The following LRMDA variants were observed in gnomAD, a reference collection of about 807,000 sequenced individuals.
LRMDA encodes leucine rich melanocyte differentiation associated.
In LRMDA, 18 loss-of-function variants were observed where a neutral mutation model predicts 29.8. The observed-to-expected ratio is 0.60, with a 90% CI of 0.42 to 0.90. The LOEUF (loss-of-function observed/expected upper bound fraction) is 0.90. Ranked by LOEUF, LRMDA falls within the 40% of genes least tolerant of loss-of-function variation. LRMDA has a pLI of 0.00. For missense variants in LRMDA, 273 were observed against 273.9 expected (o/e 1.00, Z 0.02); for synonymous variants, 125 against 109.4 (o/e 1.14, Z -0.89).
chr10:76,285,684 A>G (rs570114578), intron 5 of LRMDA, among the ~76,000 whole-genome samples: 12 of 152,252 alleles, frequency 7.9e-5, no homozygotes, highest in South Asian at 2.1e-4. Context: ...AAAGTTGCCA[A>G]TGAAGCTCTT....
intron 2 of LRMDA, among the ~76,000 whole-genome samples, chr10:75,653,290 A>G (rs748620367): frequency 4.6e-5 from 7 of 152,200 alleles, no homozygotes; most frequent in Non-Finnish European, 1.0e-4. Context: ...CCTGCCCTCA[A>G]TTCCTTTGCC....
At chr10:75,860,765 C>T (rs1844914574) in intron 2 of LRMDA, among the ~76,000 whole-genome samples, 1 of 152,148 alleles carries the variant, frequency 6.6e-6, no homozygotes, top group South Asian at 2.1e-4. Context: ...TCAGAAGATA[C>T]AGGTTCTAAT....
chr10:75,812,552 C>T lies in LRMDA; in HGVS notation c.132-223456C>T, dbSNP rs534698238. ...AATGATTTTCTGGGGCAATTCTGAA[C>T]GTGGTGACATGATATAAACAGGTAT... On this transcript the variant is annotated intron_variant, in intron 2 of 6. Transcript: ENST00000611255. Among the ~76,000 whole-genome samples, 17 of 152,232 alleles carry T rather than the reference C, an allele frequency of 1.1e-4. 1 individual carries two copies. In the South Asian group the frequency reaches 2.7e-3, roughly 24 times the overall value.
intron 2 of LRMDA, among the ~76,000 whole-genome samples, chr10:75,846,777 A>G (rs977382762): frequency 6.6e-6 from 1 of 152,238 alleles, no homozygotes; most frequent in African/African-American, 2.4e-5. Flanking sequence ...AATAGCATCA[A>G]AAAGAATACT....
intron 2 of LRMDA, among the ~76,000 whole-genome samples, chr10:75,731,995 T>G (rs1242344086): frequency 6.6e-6 from 1 of 152,254 alleles, no homozygotes; most frequent in African/African-American, 2.4e-5. Flanking sequence ...ATTTTCTACC[T>G]TCTTTTTATA....
At chr10:75,873,892 T>C (rs1845153394) in intron 2 of LRMDA, among the ~76,000 whole-genome samples, 1 of 152,108 alleles carries the variant, frequency 6.6e-6, no homozygotes, top group Non-Finnish European at 1.5e-5. Flanking sequence ...TGATGTGGGG[T>C]TGGGTGGAGG....
At chr10:75,538,071 C>T (rs1049940153) in intron 2 of LRMDA, among the ~76,000 whole-genome samples, 4 of 152,148 alleles carry the variant, frequency 2.6e-5, no homozygotes, top group Admixed American at 6.6e-5. Flanking sequence ...CCACAGTATA[C>T]GGTTGGGGAC....
chr10:76,461,408 C>T (rs1312908211), intron 6 of LRMDA, among the ~76,000 whole-genome samples: 1 of 152,164 alleles, frequency 6.6e-6, no homozygotes, highest in Admixed American at 6.5e-5. Flanking sequence ...AGGGAGCAGG[C>T]TATGAGCACT....
chr10:75,799,123 G>T (rs1843703576), intron 2 of LRMDA, among the ~76,000 whole-genome samples: 1 of 152,182 alleles, frequency 6.6e-6, no homozygotes, highest in African/African-American at 2.4e-5. Flanking sequence ...TGTGAGTTCT[G>T]AGAGAGGCAT....
At chr10:76,386,044 G>C (rs1271716646) in intron 6 of LRMDA, among the ~76,000 whole-genome samples, 1 of 152,064 alleles carries the variant, frequency 6.6e-6, no homozygotes, top group Non-Finnish European at 1.5e-5. Flanking sequence ...CACTTGATTA[G>C]AACTCTAAAA....
At chr10:76,176,964 C>T (rs1850948074) in intron 5 of LRMDA, among the ~76,000 whole-genome samples, 1 of 152,200 alleles carries the variant, frequency 6.6e-6, no homozygotes. Context: ...CTCCAAAAGT[C>T]TAGTTTATAC....
chr10:76,177,639 CT>C (rs775112871), intron 5 of LRMDA, among the ~76,000 whole-genome samples: 1 of 152,082 alleles, frequency 6.6e-6, no homozygotes, highest in African/African-American at 2.4e-5. Context: ...AAAAATCCTG[CT>C]TTGTCTTATT....
chr10:75,718,359 G>T (rs190487762), intron 2 of LRMDA, among the ~76,000 whole-genome samples: 28 of 152,292 alleles, frequency 1.8e-4, no homozygotes, highest in African/African-American at 6.7e-4. Flanking sequence ...CAGAGACTTG[G>T]AGAGGGCAGA....
intron 2 of LRMDA, among the ~76,000 whole-genome samples, chr10:75,815,849 C>T (rs529718478): frequency 3.9e-5 from 6 of 152,330 alleles, no homozygotes; most frequent in African/African-American, 1.4e-4. Context: ...TATTAATTCA[C>T]TTAATCATCT....
chr10:75,462,454 CCTT>C (rs1367103419), intron 2 of LRMDA, among the ~76,000 whole-genome samples: 1 of 152,168 alleles, frequency 6.6e-6, no homozygotes, highest in Non-Finnish European at 1.5e-5. Flanking sequence ...AAATGACAGG[CCTT>C]CTTGGCTGTC....
intron 2 of LRMDA, among the ~76,000 whole-genome samples, chr10:75,741,095 T>C (rs1304791853): frequency 2.0e-5 from 3 of 152,138 alleles, no homozygotes; most frequent in Non-Finnish European, 2.9e-5. Flanking sequence ...TAGCTGTAGG[T>C]TGAGAAACCC....
intron 2 of LRMDA, among the ~76,000 whole-genome samples, chr10:75,982,425 C>G (rs999749911): frequency 2.6e-5 from 4 of 152,184 alleles, no homozygotes; most frequent in African/African-American, 9.7e-5. Flanking sequence ...CTCACATTCT[C>G]TGGGTCCCCA....
intron 2 of LRMDA, among the ~76,000 whole-genome samples, chr10:75,896,226 G>A (rs1191715982): frequency 6.6e-6 from 1 of 152,134 alleles, no homozygotes; most frequent in Non-Finnish European, 1.5e-5. Flanking sequence ...AAACTCAAGA[G>A]CTTCTAGGTT....
intron 6 of LRMDA, among the ~76,000 whole-genome samples, chr10:76,506,229 A>G (rs748237545): frequency 3.7e-4 from 57 of 152,230 alleles, no homozygotes; most frequent in Admixed American, 3.5e-3. Context: ...CGTCTTGTCC[A>G]GAACCCCTGG....
Sources: allele counts gnomAD v4.1 joint callset (sites outside exome capture counted in the v4.1 genomes callset), GRCh38; gene constraint gnomAD v4.1.1; transcripts MANE v1.5; gene names NCBI Gene and HGNC (gene_info 2026-07-23, HGNC 2026-07-21).